The following PCDHA4 variants were observed in gnomAD, a reference collection of about 807,000 sequenced individuals.
PCDHA4 encodes protocadherin alpha-4.
PCDHA4 carries 49 observed loss-of-function variants against 61.4 expected under a neutral mutation model. The ratio of observed to expected loss-of-function variants is 0.80; its 90% confidence interval spans 0.63 to 1.01. PCDHA4 has a LOEUF of 1.01. Among genes scored for constraint, PCDHA4 ranks in the 50% least tolerant of loss-of-function variants. The probability of loss-of-function intolerance (pLI) is 0.00; values close to 1 mark genes in which losing one functional copy is unlikely to be tolerated. For missense variants in PCDHA4, 1,254 were observed against 1,235.8 expected, an observed-to-expected ratio of 1.01 and a Z score of -0.22; for synonymous variants, 590 against 550.3, an observed-to-expected ratio of 1.07 and a Z score of -1.01.
intron 1 of PCDHA4, chr5:140,824,620 T>TG (rs1472794866): frequency 7.7e-6 from 1 of 130,228 alleles, no homozygotes; most frequent in African/African-American, 3.4e-5. Context: ...GTTTTTTTTT[T>TG]TTTTTTTTTT....
At chr5:140,961,205 T>C (rs1215243152) in intron 1 of PCDHA4, among the ~76,000 whole-genome samples, 2 of 152,172 alleles carry the variant, frequency 1.3e-5, no homozygotes, top group Non-Finnish European at 2.9e-5. Context: ...GAGGTTGGTA[T>C]TGATGAAGAA....
At position 140,843,079 on chromosome 5, in the gene PCDHA4, C is replaced by T. The variant is rs2150351971; in HGVS notation, c.2385+33507C>T. On this transcript the variant is annotated intron_variant, in intron 1 of 3. Coordinates refer to ENST00000530339, the MANE Select transcript of PCDHA4 (RefSeq NM_018907.4). ...GCAAGCTGGTGCCGCGGTCTGTGGG[C>T]GCGGGCCACGTGGTAGCGAAGGTGC... The T allele has an allele frequency of 6.3e-6, 10 of 1,595,344 alleles. 2 individuals carry two copies. The highest frequency in any genetic ancestry group is 2.2e-5 in the East Asian group (1 of 44,804).
At chr5:140,864,740 C>G (rs2048582672) in intron 1 of PCDHA4, 1 of 152,028 alleles carries the variant, frequency 6.6e-6, no homozygotes, top group African/African-American at 2.4e-5. Context: ...TCTTTGAGCA[C>G]CGATTATACT....
intron 1 of PCDHA4, among the ~76,000 whole-genome samples, chr5:140,895,558 A>G (rs1449174455): frequency 6.6e-6 from 1 of 152,154 alleles, no homozygotes; most frequent in Non-Finnish European, 1.5e-5. Context: ...AGTTCTTTAT[A>G]TATTCTAGAT....
chr5:140,949,120 T>C (rs782586418), intron 1 of PCDHA4, among the ~76,000 whole-genome samples: 3 of 151,756 alleles, frequency 2.0e-5, no homozygotes, highest in Non-Finnish European at 4.4e-5. Flanking sequence ...ATATTTTTGG[T>C]TTTCCTAGCT....
chr5:140,924,945 A>T (rs200246310), intron 1 of PCDHA4, among the ~76,000 whole-genome samples: 4 of 64,382 alleles, frequency 6.2e-5, no homozygotes, highest in African/African-American at 1.9e-4. Context: ...ATAAAAAGTT[A>T]AAAAAAAAAT....
At chr5:140,962,174 C>T (rs1365738124) in intron 1 of PCDHA4, among the ~76,000 whole-genome samples, 1 of 152,100 alleles carries the variant, frequency 6.6e-6, no homozygotes, top group Admixed American at 6.6e-5. Context: ...CACACCCGGC[C>T]ACTTATATCA....
intron 1 of PCDHA4, among the ~76,000 whole-genome samples, chr5:140,932,642 T>G (rs2088501803): frequency 6.6e-6 from 1 of 151,860 alleles, no homozygotes. Context: ...AACTTTAGAA[T>G]GATGAAACTA....
At chr5:140,926,471 T>G in intron 1 of PCDHA4, 1 of 162,332 alleles carries the variant, frequency 6.2e-6, no homozygotes, top group Non-Finnish European at 1.3e-5. Context: ...GAAAACACCG[T>G]TTAAGGAGAG....
At chr5:140,870,806 A>AGAGT in intron 1 of PCDHA4, 1 of 1,613,688 alleles carries the variant, frequency 6.2e-7, no homozygotes, top group Non-Finnish European at 8.5e-7. Flanking sequence ...CTGGCGACTC[A>AGAGT]GGCTGGCAGC....
intron 1 of PCDHA4, chr5:140,869,562 A>C: frequency 2.5e-6 from 4 of 1,614,168 alleles, no homozygotes. Flanking sequence ...CGCGTTTTCC[A>C]CTAGAGGGAG....
intron 3 of PCDHA4, among the ~76,000 whole-genome samples, chr5:141,001,096 A>T (rs919555319): frequency 1.3e-5 from 2 of 152,130 alleles, no homozygotes; most frequent in Admixed American, 1.3e-4. Flanking sequence ...AAACTGTCTA[A>T]TCCATAATAA....
At chr5:140,964,107 G>A (rs1298844061) in intron 1 of PCDHA4, among the ~76,000 whole-genome samples, 1 of 152,090 alleles carries the variant, frequency 6.6e-6, no homozygotes, top group Non-Finnish European at 1.5e-5. Flanking sequence ...AACAGTCTGA[G>A]CAATCACATT....
intron 1 of PCDHA4, among the ~76,000 whole-genome samples, chr5:140,881,170 T>C (rs1442098863): frequency 1.3e-5 from 2 of 152,246 alleles, no homozygotes; most frequent in Non-Finnish European, 1.5e-5. Flanking sequence ...CCTCTTCCTC[T>C]TTTCCTTGCT....
chr5:140,941,248 T>TTTCTTTCC (rs1563187616), intron 1 of PCDHA4, among the ~76,000 whole-genome samples: 1 of 141,492 alleles, frequency 7.1e-6, no homozygotes, highest in African/African-American at 2.6e-5. Context: ...TCTTTCTTTC[T>TTTCTTTCC]TTCTTTCTCT....
chr5:140,930,859 G>GAT lies in PCDHA4; in HGVS notation c.2386-48089_2386-48088dup, dbSNP rs1554208143. On this transcript the variant is annotated intron_variant, in intron 1 of 3. Transcript: ENST00000530339. ...AATAAATATGTGCATATATGAATTG[G>GAT]ATGGTAACACTGTTCAACACAGAGG... Among the ~76,000 whole-genome samples, 803 of 152,288 alleles carry GAT rather than the reference G, an allele frequency of 5.3e-3. 3 individuals are homozygous for GAT. Among genetic ancestry groups the GAT allele is most frequent in the Non-Finnish European group, 8.4e-3 (568 of 68,020 alleles).
At chr5:140,970,554 G>A (rs72802985) in intron 1 of PCDHA4, among the ~76,000 whole-genome samples, 7,177 of 152,136 alleles carry the variant, frequency 0.047, 194 homozygotes, top group Non-Finnish European at 0.062. Context: ...TTGTGTGTTC[G>A]TCTCCATATG....
At chr5:140,843,940 T>G in intron 1 of PCDHA4, 1 of 573,966 alleles carries the variant, frequency 1.7e-6, no homozygotes, top group East Asian at 2.9e-5. Context: ...TATGGTTGGA[T>G]GATATCCATT....
At position 140,849,929 on chromosome 5, in the gene PCDHA4, T is replaced by G. The variant is rs1450636702; in HGVS notation, c.2385+40357T>G. 8.1e-6 allele frequency: 13 copies of G among 1,598,096 alleles called. 1 individual carries two copies. The African/African-American group carries it at 1.2e-4, about 15-fold the overall frequency. On this transcript the variant is annotated intron_variant, in intron 1 of 3. Transcript: ENST00000530339. ...CGGGCTGCCACATCTTCACGGTGTC[T>G]GCGCGGGACGCTGACGCGCAGGAGA...
Sources: gnomAD v4.1 joint callset for allele counts (sites outside exome capture counted in the v4.1 genomes callset) on GRCh38, gnomAD v4.1.1 for gene constraint, MANE v1.5 for transcripts, NCBI Gene and HGNC (gene_info 2026-07-23, HGNC 2026-07-21) for gene names.